Variants in ULK4 observed in about 807,000 individuals in gnomAD.
The protein encoded by ULK4 is unc-51 like kinase 4.
In ULK4, 133 loss-of-function variants were observed where a neutral mutation model predicts 160.6. That is an observed-to-expected ratio of 0.83 (90% CI 0.72 to 0.96). The LOEUF is 0.96. Among genes scored for constraint, ULK4 ranks in the 40% least tolerant of loss-of-function variants. The pLI is 0.00. For synonymous variants in ULK4, 534 were observed against 539.8 expected, an observed-to-expected ratio of 0.99 and a Z score of 0.15; for missense variants, 1,580 against 1,499.5, an observed-to-expected ratio of 1.05 and a Z score of -0.89.
chr3:41,644,965 T>C (rs1229364415), intron 30 of ULK4, among the ~76,000 whole-genome samples: 5 of 151,962 alleles, frequency 3.3e-5, no homozygotes, highest in African/African-American at 1.2e-4. Context: ...TTCTAGATTT[T>C]CTAGTTTATT....
rs73828047 is a variant in ULK4, at chr3:41,463,188, T to C, written c.3292A>G (p.Lys1098Glu). 1,609 of 1,613,734 alleles carry C rather than the reference T, an allele frequency of 1.0e-3. 18 individuals carry two copies. The African/African-American group carries it at 0.019, about 19-fold the overall frequency. ...GGAGCTGCCATCTCATTGTTGTTTT[T>C]ATTGTCCACATCCAAGCACAGTGTG... Reference protein sequence around the residue: ...TATLCLDVDNKNNNEMAAPLL... With the variant: ...TATLCLDVDNENNNEMAAPLL... Residue 1098 changes from lysine to glutamate, a missense_variant, in exon 33 of 37, where the codon AAA becomes GAA. Physicochemically the swap from Lys to Glu is moderately conservative, Grantham distance 56 (BLOSUM62 1). Coordinates refer to ENST00000301831, the MANE Select transcript of ULK4 (RefSeq NM_017886.4).
At chr3:41,470,634 C>CT (rs2083967265) in intron 32 of ULK4, among the ~76,000 whole-genome samples, 1 of 152,016 alleles carries the variant, frequency 6.6e-6, no homozygotes, top group Non-Finnish European at 1.5e-5. Context: ...AAGGAAAAAA[C>CT]TAATAATAAT....
intron 30 of ULK4, among the ~76,000 whole-genome samples, chr3:41,658,699 C>G (rs1353286364): frequency 7.2e-6 from 1 of 139,824 alleles, no homozygotes; most frequent in African/African-American, 3.1e-5. Flanking sequence ...ATGGTATAGA[C>G]AGCATGCTAC....
chr3:41,896,044 A>C (rs1289747592), intron 15 of ULK4, among the ~76,000 whole-genome samples: 2 of 152,210 alleles, frequency 1.3e-5, no homozygotes, highest in Non-Finnish European at 2.9e-5. Flanking sequence ...GCTTACCAAC[A>C]GACCAAGACA....
At chr3:41,261,409 T>G (rs2078939431) in intron 35 of ULK4, among the ~76,000 whole-genome samples, 1 of 152,190 alleles carries the variant, frequency 6.6e-6, no homozygotes, top group Non-Finnish European at 1.5e-5. Flanking sequence ...CAGCAAGCAG[T>G]GGCACTGAGA....
At chr3:41,265,191 A>C (rs2079008999) in intron 35 of ULK4, among the ~76,000 whole-genome samples, 2 of 152,228 alleles carry the variant, frequency 1.3e-5, no homozygotes, top group East Asian at 1.9e-4. Context: ...GGACCATCTC[A>C]GATCCACGGC....
intron 35 of ULK4, among the ~76,000 whole-genome samples, chr3:41,377,219 C>T (rs753961933): frequency 2.4e-4 from 36 of 152,098 alleles, no homozygotes; most frequent in African/African-American, 7.2e-4. Context: ...AGACAAAAAT[C>T]AATTCAAGAT....
intron 16 of ULK4, among the ~76,000 whole-genome samples, chr3:41,885,548 C>T (rs1697689547): frequency 6.6e-6 from 1 of 152,320 alleles, no homozygotes; most frequent in Non-Finnish European, 1.5e-5. Flanking sequence ...GCATCTAAGG[C>T]AGCACTATCT....
intron 19 of ULK4, among the ~76,000 whole-genome samples, chr3:41,815,612 C>T (rs911556078): frequency 1.3e-5 from 2 of 152,174 alleles, no homozygotes; most frequent in Non-Finnish European, 2.9e-5. Context: ...CCTGCACTCC[C>T]AGCTGCAAAT....
At chr3:41,644,109 T>C (rs1326949133) in intron 30 of ULK4, among the ~76,000 whole-genome samples, 1 of 152,212 alleles carries the variant, frequency 6.6e-6, no homozygotes, top group Non-Finnish European at 1.5e-5. Flanking sequence ...CAATGGGGCT[T>C]TCTAGATACA....
At chr3:41,759,459 A>T (rs1336412819) in intron 21 of ULK4, among the ~76,000 whole-genome samples, 1 of 152,198 alleles carries the variant, frequency 6.6e-6, no homozygotes, top group Non-Finnish European at 1.5e-5. Context: ...TACATTAAAA[A>T]TTCTAAAATA....
intron 21 of ULK4, among the ~76,000 whole-genome samples, chr3:41,757,779 G>A (rs2038855908): frequency 6.6e-6 from 1 of 151,712 alleles, no homozygotes; most frequent in Non-Finnish European, 1.5e-5. Context: ...GACTACAGGT[G>A]CGTGCCACCG....
intron 30 of ULK4, among the ~76,000 whole-genome samples, chr3:41,641,775 T>C (rs546207472): frequency 2.0e-5 from 3 of 151,740 alleles, no homozygotes; most frequent in East Asian, 1.9e-4. Flanking sequence ...ATGTAACATA[T>C]TTTTCCCAAT....
At chr3:41,391,209 C>CTAA (rs1559564506) in intron 35 of ULK4, among the ~76,000 whole-genome samples, 1 of 152,046 alleles carries the variant, frequency 6.6e-6, no homozygotes, top group Non-Finnish European at 1.5e-5. Context: ...GAATGCTTAT[C>CTAA]CAGTGGAACT....
chr3:41,745,846 G>C (rs983735369), intron 22 of ULK4, among the ~76,000 whole-genome samples: 3 of 151,078 alleles, frequency 2.0e-5, no homozygotes, highest in African/African-American at 7.3e-5. Context: ...AATTGCTGTA[G>C]AATTTGAAAA....
intron 21 of ULK4, among the ~76,000 whole-genome samples, chr3:41,771,289 T>A (rs1201417511): frequency 3.3e-5 from 5 of 152,030 alleles, no homozygotes; most frequent in African/African-American, 1.2e-4. Flanking sequence ...AGAGATGGAG[T>A]TCCTAAAATT....
chr3:41,894,225 G>T (rs751887534), intron 16 of ULK4, among the ~76,000 whole-genome samples: 11 of 152,074 alleles, frequency 7.2e-5, no homozygotes, highest in Admixed American at 4.6e-4. Flanking sequence ...TTAAATAAAG[G>T]TGTTTAAATA....
chr3:41,882,523 T>C (rs17283481), intron 17 of ULK4, among the ~76,000 whole-genome samples: 17,993 of 152,232 alleles, frequency 0.12, 1,285 homozygotes, highest in Middle Eastern at 0.27. Flanking sequence ...TAGTTCATAA[T>C]CTTTATCCTC....
At chr3:41,761,209 C>G (rs1418595703) in intron 21 of ULK4, among the ~76,000 whole-genome samples, 1 of 151,564 alleles carries the variant, frequency 6.6e-6, no homozygotes. Flanking sequence ...CCTCATAGAA[C>G]TGAGTCCCCA....
Sources: gnomAD v4.1 joint callset for allele counts (sites outside exome capture counted in the v4.1 genomes callset) on GRCh38, gnomAD v4.1.1 for gene constraint, MANE v1.5 for transcripts, NCBI Gene and HGNC (gene_info 2026-07-23, HGNC 2026-07-21) for gene names.